EPHA5: variants seen among roughly 807,000 people sequenced by gnomAD.
EPHA5 encodes the protein ephrin type-A receptor 5.
In EPHA5, 60 loss-of-function variants were observed where a neutral mutation model predicts 105.0. The ratio of observed to expected loss-of-function variants is 0.57; its 90% CI spans 0.46 to 0.71. The LOEUF (loss-of-function observed/expected upper bound fraction) is 0.71, where lower values mean the gene tolerates loss of function less well. Ranked by LOEUF, EPHA5 falls within the 30% of genes least tolerant of loss-of-function variation. The probability of loss-of-function intolerance (pLI) is 0.00; values close to 1 mark genes in which losing one functional copy is unlikely to be tolerated. For synonymous variants in EPHA5, 513 were observed against 449.1 expected (o/e 1.14, Z -1.80); for missense variants, 1,218 against 1,274.7 (o/e 0.96, Z 0.68).
intron 3 of EPHA5, among the ~76,000 whole-genome samples, chr4:65,576,909 G>C (rs1203538086): frequency 6.6e-6 from 1 of 152,008 alleles, no homozygotes; most frequent in East Asian, 1.9e-4. Context: ...TCAGTCCCTT[G>C]GTACCTCTTT....
chr4:65,460,360 C>T (rs1206260006), intron 5 of EPHA5, among the ~76,000 whole-genome samples: 1 of 151,154 alleles, frequency 6.6e-6, no homozygotes, highest in African/African-American at 2.4e-5. Flanking sequence ...CTCAACTTCA[C>T]CTTCAACTAT....
chr4:65,469,410 T>A (rs1222598734), intron 5 of EPHA5, among the ~76,000 whole-genome samples: 2 of 152,206 alleles, frequency 1.3e-5, no homozygotes, highest in Non-Finnish European at 2.9e-5. Flanking sequence ...GTATTCCAAA[T>A]GATTAGTATG....
In EPHA5 at chr4:65,555,555, T is replaced by TAAA. The variant is rs34149071; in HGVS notation, c.910+46083_910+46085dup. ...TGTACCCCTGAACTTAAAATTTTTC[T>TAAA]AAAAAAAAAAAAACTCCATCTTCTG... On this transcript the variant is annotated intron_variant, in intron 3 of 16. Coordinates refer to ENST00000613740, the MANE Select transcript of EPHA5 (RefSeq NM_001281766.3). 1.3e-3 allele frequency among the ~76,000 whole-genome samples: 183 copies of TAAA among 144,000 alleles called. 2 individuals are homozygous for TAAA. The South Asian group carries it at 0.015, about 12-fold the overall frequency. The allele number at this position is 144,000 out of a possible 152,430, so 94.5% of individuals were successfully genotyped here.
intron 3 of EPHA5, among the ~76,000 whole-genome samples, chr4:65,496,145 T>A (rs1390169899): frequency 6.6e-6 from 1 of 152,220 alleles, no homozygotes; most frequent in Admixed American, 6.6e-5. Context: ...TTGAGACACC[T>A]ACTGATTCAA....
intron 3 of EPHA5, among the ~76,000 whole-genome samples, chr4:65,567,998 T>C (rs1340642791): frequency 4.6e-5 from 7 of 151,356 alleles, no homozygotes; most frequent in Non-Finnish European, 1.0e-4. Flanking sequence ...CAGAAAAAAA[T>C]GGAGATATAT....
At chr4:65,452,695 G>A (rs372799397) in intron 5 of EPHA5, among the ~76,000 whole-genome samples, 2 of 151,912 alleles carry the variant, frequency 1.3e-5, no homozygotes, top group Admixed American at 1.3e-4. Flanking sequence ...TTGAATGCAA[G>A]CAAATAAACT....
intron 3 of EPHA5, among the ~76,000 whole-genome samples, chr4:65,499,265 A>T (rs146664351): frequency 4.2e-4 from 64 of 151,836 alleles, no homozygotes; most frequent in African/African-American, 1.5e-3. Context: ...ATCCTTCTTC[A>T]TATCAAATAA....
At position 65,322,725 on chromosome 4, in the gene EPHA5, C is replaced by T. The variant is rs1719734309; in HGVS notation, c.*1389G>A. 4.4e-6 allele frequency: 1 copy of T among 225,872 alleles called. No individual in the cohort carries two copies. Among genetic ancestry groups the T allele is most frequent in the Non-Finnish European group, 8.8e-6 (1 of 113,592 alleles). 14.0% of individuals were successfully genotyped at this position (225,872 alleles called of 1,614,324 possible). ...ATAAAATAAACTCAAAGCCATGTAACTGAATACAAACTGAAATTAACAAAT... is the reference window on the plus strand; with the variant it reads ...ATAAAATAAACTCAAAGCCATGTAATTGAATACAAACTGAAATTAACAAAT... On this transcript the variant is annotated 3_prime_UTR_variant, in exon 17 of 17. Transcript: ENST00000613740.
chr4:65,632,406 T>TGGC (rs1179079587), intron 2 of EPHA5, among the ~76,000 whole-genome samples: 2 of 147,268 alleles, frequency 1.4e-5, no homozygotes, highest in African/African-American at 5.4e-5. Context: ...ATAATCTCTG[T>TGGC]GCTTGGCATA....
chr4:65,503,741 C>T (rs184015932), intron 3 of EPHA5, among the ~76,000 whole-genome samples: 1 of 151,712 alleles, frequency 6.6e-6, no homozygotes, highest in African/African-American at 2.4e-5. Flanking sequence ...ATAATTAAGA[C>T]ATTTTTCTTA....
In EPHA5 at chr4:65,543,996, G is replaced by A. The variant is rs150381240; in HGVS notation, c.911-48453C>T. On this transcript the variant is annotated intron_variant, in intron 3 of 16. Coordinates refer to ENST00000613740, the MANE Select transcript of EPHA5 (RefSeq NM_001281766.3). The stretch of plus-strand genomic sequence containing the variant: ...GGAAAGGATTCCCTATTTAATAAAT[G>A]TTGCTGGGAAAACTAGCTAGCCGTA... Among the ~76,000 whole-genome samples, 307 of 152,206 alleles carry A rather than the reference G, an allele frequency of 2.0e-3. 1 individual carries two copies. The highest frequency in any genetic ancestry group is 7.0e-3 in the African/African-American group (290 of 41,536).
intron 12 of EPHA5, among the ~76,000 whole-genome samples, chr4:65,351,914 C>G (rs1239463976): frequency 6.6e-6 from 1 of 151,964 alleles, no homozygotes; most frequent in Non-Finnish European, 1.5e-5. Context: ...CTAGTATCTG[C>G]CTTGGGTCAA....
intron 7 of EPHA5, among the ~76,000 whole-genome samples, chr4:65,413,799 C>A (rs942985944): frequency 2.0e-5 from 3 of 151,976 alleles, no homozygotes; most frequent in African/African-American, 7.2e-5. Context: ...AAAAAATATT[C>A]CCAGATTCTC....
At chr4:65,562,301 C>T (rs1436322057) in intron 3 of EPHA5, among the ~76,000 whole-genome samples, 2 of 151,996 alleles carry the variant, frequency 1.3e-5, no homozygotes, top group Admixed American at 6.6e-5. Context: ...CACTAAGTAA[C>T]CAAAGTTTAG....
At chr4:65,541,272 T>C (rs1183441794) in intron 3 of EPHA5, among the ~76,000 whole-genome samples, 2 of 151,716 alleles carry the variant, frequency 1.3e-5, no homozygotes, top group African/African-American at 2.4e-5. Flanking sequence ...TAAATATAAA[T>C]GGGCTAAATG....
intron 3 of EPHA5, among the ~76,000 whole-genome samples, chr4:65,589,086 G>A (rs1258354705): frequency 6.6e-6 from 1 of 152,064 alleles, no homozygotes; most frequent in Non-Finnish European, 1.5e-5. Flanking sequence ...TAATCAATAT[G>A]TTTATTGTGG....
intron 11 of EPHA5, among the ~76,000 whole-genome samples, chr4:65,358,062 C>A (rs901850047): frequency 2.6e-5 from 4 of 151,320 alleles, no homozygotes; most frequent in African/African-American, 7.3e-5. Context: ...GGCCTGGGAA[C>A]TTATTAGAAA....
chr4:65,513,006 A>C (rs1329536411), intron 3 of EPHA5, among the ~76,000 whole-genome samples: 2 of 152,190 alleles, frequency 1.3e-5, no homozygotes, highest in East Asian at 3.9e-4. Context: ...TAAGCATGCC[A>C]TGCAGATTTG....
At chr4:65,346,626 A>T (rs548430093) in intron 14 of EPHA5, among the ~76,000 whole-genome samples, 69 of 152,230 alleles carry the variant, frequency 4.5e-4, no homozygotes, top group African/African-American at 1.6e-3. Flanking sequence ...AAAATTGACA[A>T]ATGGGATCTA....
Sources: allele counts gnomAD v4.1 joint callset (sites outside exome capture counted in the v4.1 genomes callset), GRCh38; gene constraint gnomAD v4.1.1; transcripts MANE v1.5; gene names NCBI Gene and HGNC (gene_info 2026-07-23, HGNC 2026-07-21).